Variants in AMBP observed in about 807,000 individuals in gnomAD.
AMBP encodes the protein protein AMBP.
In AMBP, 37 loss-of-function variants were observed where a neutral mutation model predicts 46.3. The observed-to-expected ratio is 0.80, with a 90% CI of 0.61 to 1.05. The LOEUF (loss-of-function observed/expected upper bound fraction) is 1.05. Ranked by LOEUF, AMBP falls within the 50% of genes least tolerant of loss-of-function variation. The pLI, the probability that AMBP is intolerant of heterozygous loss-of-function variation, is 0.00. For missense variants in AMBP, 475 were observed against 461.2 expected (o/e 1.03, Z -0.27); for synonymous variants, 174 against 175.9 (o/e 0.99, Z 0.09).
intron 1 of AMBP, chr9:114,077,600 G>A (rs1367124167): frequency 6.2e-6 from 1 of 161,342 alleles, no homozygotes; most frequent in Admixed American, 5.9e-5. Flanking sequence ...CTTCCCATAA[G>A]CCCCACATGC....
At position 114,076,627 on chromosome 9, in the gene AMBP, C is replaced by G; in HGVS notation, c.231G>C (p.Ala77=). 6.2e-7 allele frequency: 1 copy of G among 1,613,982 alleles called. No homozygotes were observed. Among genetic ancestry groups the G allele is most frequent in the Non-Finnish European group, 8.5e-7 (1 of 1,179,980 alleles). The change falls in exon 2 of 10, where the codon GCG becomes GCC. Residue 77 remains alanine (A), a synonymous_variant. Transcript: ENST00000265132. ...AACGAGTGCTGGTCATGCTGATCTC[C>G]GCCTCTGTAGCGCCCTCTCCCAGCA... is the stretch of plus-strand genomic sequence containing the variant. ...TLVLGEGATE[A]EISMTSTRWR... is the part of the protein sequence containing the mutation.
chr9:114,073,883 C>T (rs778184295), intron 4 of AMBP, among the ~76,000 whole-genome samples, 153 bp downstream of exon 4: 3 of 152,142 alleles, frequency 2.0e-5, no homozygotes, highest in Non-Finnish European at 4.4e-5. Context: ...ATTTCACCTC[C>T]TCCAGGGAGA....
At position 114,076,453 on chromosome 9, in the gene AMBP, G is replaced by A. The variant is rs1846808549; in HGVS notation, c.260+145C>T. 1.2e-5 allele frequency: 14 copies of A among 1,191,000 alleles called. No individual in the cohort carries two copies. The South Asian group carries it at 2.1e-4, about 18-fold the overall frequency. The allele number at this position is 1,191,000 out of a possible 1,614,324, so 73.8% of individuals were successfully genotyped here. A position where few individuals can be genotyped will look rare whatever the true frequency, so the allele number is the denominator to read the frequency against. ...TAGGACACCTGAAAAGGGCCGTCCT[G>A]GTGGAGGAGCGTAGAGGGATCTGGG... is the stretch of plus-strand genomic sequence containing the variant. On this transcript the variant is annotated intron_variant, in intron 2 of 9. Coordinates refer to ENST00000265132, the MANE Select transcript of AMBP (RefSeq NM_001633.4).
At chr9:114,068,371 G>A (rs923106758) in intron 6 of AMBP, among the ~76,000 whole-genome samples, 3 of 152,066 alleles carry the variant, frequency 2.0e-5, no homozygotes, top group East Asian at 1.9e-4. Flanking sequence ...AGACCAAAGC[G>A]GGTAGATCTT....
intron 5 of AMBP, chr9:114,070,012 T>C: frequency 3.9e-6 from 2 of 507,368 alleles, no homozygotes; most frequent in South Asian, 5.5e-5. Context: ...TAGCAATAGC[T>C]AACACTGACT....
chr9:114,067,155 G>A (rs905139668), intron 6 of AMBP, among the ~76,000 whole-genome samples: 2 of 152,066 alleles, frequency 1.3e-5, no homozygotes, highest in Non-Finnish European at 2.9e-5. Flanking sequence ...TGGCCAGGAT[G>A]GTCTCGATCT....
At chr9:114,077,330 C>A (rs902686167) in intron 1 of AMBP, among the ~76,000 whole-genome samples, 3 of 152,190 alleles carry the variant, frequency 2.0e-5, no homozygotes, top group Non-Finnish European at 4.4e-5. Flanking sequence ...CTGCCACGAC[C>A]TTTCCTTGTC....
chr9:114,063,608 G>T (rs920915383), intron 6 of AMBP, among the ~76,000 whole-genome samples: 3 of 152,176 alleles, frequency 2.0e-5, no homozygotes, highest in Non-Finnish European at 4.4e-5. Context: ...CTAAATGGGA[G>T]ATATTCTGGA....
intron 5 of AMBP, 193 bp from the exon 6 acceptor site, chr9:114,069,938 T>G (rs1395874135): frequency 1.7e-6 from 1 of 596,554 alleles, no homozygotes; most frequent in Non-Finnish European, 3.0e-6. Flanking sequence ...GGCTGCACCA[T>G]CATTACCATC....
chr9:114,078,219 C>G lies in AMBP; in HGVS notation c.-10G>C, dbSNP rs758362166. On this transcript the variant is annotated 5_prime_UTR_variant, in exon 1 of 10. Coordinates refer to ENST00000265132, the MANE Select transcript of AMBP (RefSeq NM_001633.4). The stretch of plus-strand genomic sequence containing the variant: ...CCCCGAGGCTCCTCATGGCTATGGG[C>G]TCCTCTGCCTTGGTATATCCCACAG... 18 of 1,610,502 alleles carry G rather than the reference C, an allele frequency of 1.1e-5. No individual in the cohort carries two copies. Among genetic ancestry groups the G allele is most frequent in the Non-Finnish European group, 1.5e-5 (18 of 1,179,402 alleles).
At chr9:114,074,890 G>A (rs532523634) in intron 3 of AMBP, 70 bp downstream of exon 3, 13 of 1,362,042 alleles carry the variant, frequency 9.5e-6, no homozygotes, top group Admixed American at 5.1e-5. Flanking sequence ...CAGAGGCAGA[G>A]GGAGCTGAGG....
intron 6 of AMBP, among the ~76,000 whole-genome samples, chr9:114,063,001 C>A (rs562487383): frequency 2.0e-5 from 3 of 152,180 alleles, no homozygotes; most frequent in African/African-American, 7.2e-5. Flanking sequence ...ACAATAGCCC[C>A]ATATCCAACT....
At position 114,061,520 on chromosome 9, in the gene AMBP, A is replaced by T. The variant is rs1242368979; in HGVS notation, c.757T>A (p.Ser253Thr). Residue 253 changes from serine to threonine, a missense_variant, in exon 8 of 10, where the codon TCC becomes ACC. Coordinates refer to ENST00000265132, the MANE Select transcript of AMBP (RefSeq NM_001633.4). ...TACTGGAAAGTCTCACAGGCCATGG[A>T]TGTACCATTATAGAAATACCTGCTG... The part of the protein sequence containing the change: ...MTSRYFYNGT[S>T]MACETFQYGG... 2 of 1,614,058 alleles carry T rather than the reference A, an allele frequency of 1.2e-6. No homozygotes were observed. The highest frequency in any genetic ancestry group is 2.2e-5 in the South Asian group (2 of 91,068).
At chr9:114,070,204 G>C (rs1424011238) in intron 5 of AMBP, among the ~76,000 whole-genome samples, 3 of 152,200 alleles carry the variant, frequency 2.0e-5, no homozygotes, top group Non-Finnish European at 4.4e-5. Context: ...TGGCAGCAGT[G>C]GGCCATCCGG....
chr9:114,062,827 AAT>A, intron 6 of AMBP, 69 bp from the exon 7 acceptor site: 1 of 1,464,384 alleles, frequency 6.8e-7, no homozygotes, highest in Admixed American at 1.7e-5. Context: ...GTACCCCTGG[AAT>A]ATATAAATGA....
At chr9:114,069,863 C>T (rs1564372158) in intron 5 of AMBP, 118 bp from the exon 6 acceptor site, 1 of 1,024,608 alleles carries the variant, frequency 9.8e-7, no homozygotes, top group East Asian at 2.4e-5. Flanking sequence ...CCTTAGTCCA[C>T]TTCATGAATG....
chr9:114,077,597 T>G (rs1395232261), intron 1 of AMBP: 1 of 161,558 alleles, frequency 6.2e-6, no homozygotes, highest in African/African-American at 2.4e-5. Flanking sequence ...CCTCTTCCCA[T>G]AAGCCCCACA....
chr9:114,061,557 G>T lies in AMBP; in HGVS notation c.720C>A (p.Cys240Ter), dbSNP rs769024170. ...AGAAATACCTGCTGGTCATTCCCATGCAGGGACCGGCCGAGTAGCCCAGCT... is the reference window on the plus strand; with the variant it reads ...AGAAATACCTGCTGGTCATTCCCATTCAGGGACCGGCCGAGTAGCCCAGCT... ...SCQLGYSAGP[C>*]MGMTSRYFYN... Residue 240 changes from cysteine (C) to a stop codon, truncating the protein, a stop_gained, in exon 8 of 10, where the codon TGC (cysteine) becomes TGA (stop). Transcript: ENST00000265132. LOFTEE classifies it high-confidence loss of function. The T allele has an allele frequency of 1.2e-6, 2 of 1,609,538 alleles. No homozygotes were observed. Among genetic ancestry groups the T allele is most frequent in the African/African-American group, 1.3e-5 (1 of 74,866 alleles).
chr9:114,077,657 G>A (rs770285532), intron 1 of AMBP: 1 of 170,974 alleles, frequency 5.8e-6, no homozygotes, highest in Non-Finnish European at 1.3e-5. Context: ...GCCACCCCAG[G>A]TGTCTGTCCA....
Sources: allele counts gnomAD v4.1 joint callset (sites outside exome capture counted in the v4.1 genomes callset), GRCh38; gene constraint gnomAD v4.1.1; transcripts MANE v1.5; gene names NCBI Gene and HGNC (gene_info 2026-07-23, HGNC 2026-07-21).